The following ZNF729 variants were observed in gnomAD, a reference collection of about 807,000 sequenced individuals.
The protein encoded by ZNF729 is zinc finger protein 729.
A neutral mutation model predicts 12.2 loss-of-function variants in ZNF729; 15 were observed. That is an observed-to-expected ratio of 1.23 (90% confidence interval 0.82 to 1.89). The LOEUF (loss-of-function observed/expected upper bound fraction) is 1.89, where lower values mean the gene tolerates loss of function less well. ZNF729 is among the 40% of genes most tolerant of loss of function. The probability of loss-of-function intolerance (pLI) is 0.00; values close to 1 mark genes in which losing one functional copy is unlikely to be tolerated. For missense variants in ZNF729, 1,540 were observed against 1,456.7 expected, an observed-to-expected ratio of 1.06 and a Z score of -0.93; for synonymous variants, 492 against 476.3, an observed-to-expected ratio of 1.03 and a Z score of -0.43.
rs191599656 is a variant in ZNF729, at chr19:22,310,412, G to C, written c.254-3259G>C. 3.4e-4 allele frequency among the ~76,000 whole-genome samples: 51 copies of C among 152,118 alleles called. 1 individual carries two copies. Among genetic ancestry groups the C allele is most frequent in the African/African-American group, 8.4e-4 (35 of 41,518 alleles). ...TTTGCTAAGAGTTTTAATCATAAAGGGATGTTGGATTTTGTTGAATACTTT... is the reference window on the plus strand; with the variant it reads ...TTTGCTAAGAGTTTTAATCATAAAGCGATGTTGGATTTTGTTGAATACTTT... On this transcript the variant is annotated intron_variant, in intron 3 of 3. Transcript: ENST00000601693.
chr19:22,291,406 CAT>C (rs1177728516), intron 1 of ZNF729, among the ~76,000 whole-genome samples: 8 of 152,154 alleles, frequency 5.3e-5, no homozygotes, highest in Non-Finnish European at 1.2e-4. Context: ...ATCCACTAGA[CAT>C]TGACTTGTCC....
intron 1 of ZNF729, among the ~76,000 whole-genome samples, chr19:22,297,848 A>G (rs1235972485): frequency 6.6e-6 from 1 of 151,962 alleles, no homozygotes; most frequent in Admixed American, 6.6e-5. Context: ...TACTAAAAAT[A>G]CAAAAAATTA....
At chr19:22,291,585 GTT>G (rs1568570459) in intron 1 of ZNF729, among the ~76,000 whole-genome samples, 19 of 146,564 alleles carry the variant, frequency 1.3e-4, no homozygotes, top group African/African-American at 4.8e-4. Flanking sequence ...CCAACCTGGG[GTT>G]CTGGACAACC....
chr19:22,312,828 C>T (rs1432091160), intron 3 of ZNF729, among the ~76,000 whole-genome samples: 2 of 152,128 alleles, frequency 1.3e-5, no homozygotes, highest in African/African-American at 4.8e-5. Context: ...ATTCTCCTGC[C>T]TCAACCTCCC....
At chr19:22,286,684 C>G in intron 1 of ZNF729, 129 bp downstream of exon 1, 1 of 1,239,608 alleles carries the variant, frequency 8.1e-7, no homozygotes, top group African/African-American at 1.5e-5. Flanking sequence ...TCTTTCCCAT[C>G]TCGGCCTCAG....
At chr19:22,304,328 C>T (rs1043212845) in intron 2 of ZNF729, among the ~76,000 whole-genome samples, 9 of 152,242 alleles carry the variant, frequency 5.9e-5, no homozygotes, top group East Asian at 3.9e-4. Context: ...CGTGAGCCAC[C>T]GTGCCAGGCC....
chr19:22,287,671 A>ATT (rs35755169), intron 1 of ZNF729, among the ~76,000 whole-genome samples: 1,999 of 145,316 alleles, frequency 0.014, 37 homozygotes, highest in African/African-American at 0.036. Context: ...CGGAGGACTG[A>ATT]TTTTTTTTTT....
chr19:22,309,961 T>C (rs1179612110), intron 3 of ZNF729, among the ~76,000 whole-genome samples: 1 of 152,050 alleles, frequency 6.6e-6, no homozygotes, highest in Non-Finnish European at 1.5e-5. Context: ...TTGGGGTTTT[T>C]TTTTTTCACG....
At chr19:22,306,456 G>T (rs1968378855) in intron 3 of ZNF729, among the ~76,000 whole-genome samples, 1 of 148,610 alleles carries the variant, frequency 6.7e-6, no homozygotes, top group African/African-American at 2.5e-5. Flanking sequence ...AAAAAGAAAA[G>T]AAAAGAAATA....
chr19:22,288,552 A>G (rs185456107), intron 1 of ZNF729, among the ~76,000 whole-genome samples: 7 of 152,282 alleles, frequency 4.6e-5, no homozygotes, highest in African/African-American at 1.7e-4. Flanking sequence ...AATCTGAGGT[A>G]TGGAGTGTAG....
rs776027578 is a variant in ZNF729 at position 22,316,994 on chromosome 19, T to A, written c.3577T>A (p.Cys1193Ser). ...TGEKPYKCEE[C>S]GKAFIQCSYL... Reference sequence around the variant, plus strand: ...AGAGAAACCCTACAAATGTGAAGAATGTGGCAAAGCTTTTATTCAGTGCTC... The same window carrying A: ...AGAGAAACCCTACAAATGTGAAGAAAGTGGCAAAGCTTTTATTCAGTGCTC... The change falls in exon 4 of 4, where the codon TGT becomes AGT. Residue 1193 changes from cysteine (C) to serine (S), a missense_variant. Cys to Ser is a moderately radical substitution (Grantham distance 112). Transcript: ENST00000601693. 6.2e-7 allele frequency: 1 copy of A among 1,612,542 alleles called. No homozygotes were observed. Among genetic ancestry groups the A allele is most frequent in the Non-Finnish European group, 8.5e-7 (1 of 1,179,988 alleles).
At position 22,314,774 on chromosome 19, in the gene ZNF729, A is replaced by C. The variant is rs1227538334; in HGVS notation, c.1357A>C (p.Ile453Leu). The change falls in exon 4 of 4, where the codon ATT becomes CTT. Residue 453 changes from isoleucine (I) to leucine (L), a missense_variant. Ile to Leu is a conservative substitution (Grantham distance 5, BLOSUM62 2). Coordinates refer to ENST00000601693, the MANE Select transcript of ZNF729 (RefSeq NM_001242680.2). ...SSSTLMKHKI[I>L]HTGEKPYKCE... The stretch of plus-strand genomic sequence containing the variant: ...CTCAACCCTTATGAAACATAAGATA[A>C]TTCATACTGGGGAGAAACCATACAA... The C allele has an allele frequency of 6.2e-7, 1 of 1,613,596 alleles. No homozygotes were observed. The highest frequency in any genetic ancestry group is 8.5e-7 in the Non-Finnish European group (1 of 1,179,898).
chr19:22,306,267 C>T (rs558508541), intron 3 of ZNF729, among the ~76,000 whole-genome samples: 58 of 151,802 alleles, frequency 3.8e-4, no homozygotes, highest in Non-Finnish European at 7.2e-4. Flanking sequence ...AGAGAAACCC[C>T]GTCTCTACTG....
Position 22,315,569 on chromosome 19 carries a change from G to C in ZNF729, c.2152G>C (p.Gly718Arg), listed in dbSNP as rs1402712995. Residue 718 changes from glycine (G) to arginine (R), a missense_variant, in exon 4 of 4, where the codon GGT (glycine) becomes CGT (arginine). By Grantham distance (125) the Gly-to-Arg change is moderately radical. Transcript: ENST00000601693. ...GAAACCCTACAAATGTGAAGAATGT[G>C]GTAAAGCTTTTAAGTGGTCATCAAA... ...GEKPYKCEEC[G>R]KAFKWSSKLT... 1 of 1,609,958 alleles carries C rather than the reference G, an allele frequency of 6.2e-7. No individual in the cohort carries two copies. The highest frequency in any genetic ancestry group is 8.5e-7 in the Non-Finnish European group (1 of 1,179,056).
rs772714976 is a variant in ZNF729, at chr19:22,316,282, G to C, written c.2865G>C (p.Lys955Asn). 2 of 1,613,644 alleles carry C rather than the reference G, an allele frequency of 1.2e-6. No individual in the cohort carries two copies. The highest frequency in any genetic ancestry group is 1.7e-6 in the Non-Finnish European group (2 of 1,179,744). Residue 955 changes from lysine (K) to asparagine (N), a missense_variant, in exon 4 of 4, where the codon AAG (lysine) becomes AAC (asparagine). Coordinates refer to ENST00000601693, the MANE Select transcript of ZNF729 (RefSeq NM_001242680.2). ...FNDSSTLMKH[K>N]IIHTGKKPYK... ...ATTCCTCAACCCTTATGAAGCATAA[G>C]ATAATTCATACTGGGAAGAAACCAT...
chr19:22,294,808 C>T (rs529277246), intron 1 of ZNF729, among the ~76,000 whole-genome samples: 13 of 151,834 alleles, frequency 8.6e-5, no homozygotes, highest in Non-Finnish European at 1.2e-4. Flanking sequence ...AGGTGCCTAC[C>T]ACCATGCCCA....
intron 1 of ZNF729, among the ~76,000 whole-genome samples, chr19:22,297,644 G>GATATAT (rs35325085): frequency 6.1e-5 from 9 of 148,390 alleles, no homozygotes; most frequent in Non-Finnish European, 1.2e-4. Context: ...CTTTGGTGTA[G>GATATAT]ATATATATAT....
At chr19:22,309,085 A>C (rs1599757687) in intron 3 of ZNF729, among the ~76,000 whole-genome samples, 1 of 152,176 alleles carries the variant, frequency 6.6e-6, no homozygotes, top group African/African-American at 2.4e-5. Flanking sequence ...TTTTGTATAA[A>C]GTAAAAGATG....
At chr19:22,306,222 C>T (rs1046682585) in intron 3 of ZNF729, among the ~76,000 whole-genome samples, 7 of 152,126 alleles carry the variant, frequency 4.6e-5, no homozygotes, top group South Asian at 2.1e-4. Flanking sequence ...GGGCAGATCA[C>T]GAGGTCAGGA....
Sources: gnomAD v4.1 joint callset for allele counts (sites outside exome capture counted in the v4.1 genomes callset) on GRCh38, gnomAD v4.1.1 for gene constraint, MANE v1.5 for transcripts, NCBI Gene and HGNC (gene_info 2026-07-23, HGNC 2026-07-21) for gene names.